The following EPHA5 variants were observed in gnomAD, a reference collection of about 807,000 sequenced individuals.
EPHA5 encodes the protein EPH receptor A5.
EPHA5 carries 60 observed loss-of-function variants against 105.0 expected under a neutral mutation model. The ratio of observed to expected loss-of-function variants is 0.57; its 90% CI spans 0.46 to 0.71. The LOEUF (loss-of-function observed/expected upper bound fraction) is 0.71. EPHA5 is among the 30% of genes least tolerant of loss of function. EPHA5 has a pLI of 0.00. For synonymous variants in EPHA5, 513 were observed against 449.1 expected, an observed-to-expected ratio of 1.14 and a Z score of -1.80; for missense variants, 1,218 against 1,274.7, an observed-to-expected ratio of 0.96 and a Z score of 0.68.
intron 5 of EPHA5, among the ~76,000 whole-genome samples, chr4:65,469,138 A>G (rs1014863602): frequency 2.6e-5 from 4 of 152,244 alleles, no homozygotes; most frequent in East Asian, 1.9e-4. Flanking sequence ...CCATTTTGCT[A>G]TTATGGTAGA....
chr4:65,520,740 A>G (rs955757181), intron 3 of EPHA5, among the ~76,000 whole-genome samples: 2 of 152,204 alleles, frequency 1.3e-5, no homozygotes, highest in African/African-American at 4.8e-5. Flanking sequence ...TTCTCAAAAG[A>G]AGACATTTAT....
intron 3 of EPHA5, among the ~76,000 whole-genome samples, chr4:65,499,869 G>A (rs1732307198): frequency 6.7e-6 from 1 of 150,242 alleles, no homozygotes; most frequent in Non-Finnish European, 1.5e-5. Context: ...CACGATAAGA[G>A]ATTTGAATTT....
chr4:65,635,846 G>A (rs1475504603), intron 2 of EPHA5, among the ~76,000 whole-genome samples: 1 of 152,100 alleles, frequency 6.6e-6, no homozygotes, highest in African/African-American at 2.4e-5. Context: ...ACATTTTTAG[G>A]TTGTGTACAT....
At chr4:65,377,191 CAATT>C in intron 8 of EPHA5, 1 of 754,796 alleles carries the variant, frequency 1.3e-6, no homozygotes, top group East Asian at 3.1e-5. Flanking sequence ...TAAATGCATA[CAATT>C]AATTTTTTTC....
At chr4:65,331,688 A>G in intron 16 of EPHA5, 4 of 1,143,772 alleles carry the variant, frequency 3.5e-6, no homozygotes, top group East Asian at 4.2e-5. Flanking sequence ...TCAAGAAAAC[A>G]TCTTTTCCAC....
At position 65,365,080 on chromosome 4, in the gene EPHA5, C is replaced by T. The variant is rs2148888209; in HGVS notation, c.2110G>A (p.Ala704Thr). ...TGATCAAACTGTCCCATGATACTTG[C>T]TTCACCTAGGAAATCTCTGCGTTGC... ...EKQRRDFLGE[A>T]SIMGQFDHPN... The change falls in exon 11 of 17, where the codon GCA (alanine) becomes ACA (threonine). Residue 704 changes from alanine (A) to threonine (T), a missense_variant. Physicochemically the swap from Ala to Thr is moderately conservative, Grantham distance 58 (BLOSUM62 0). Transcript: ENST00000613740. The T allele has an allele frequency of 6.2e-7, 1 of 1,611,794 alleles. No homozygotes were observed. Among genetic ancestry groups the T allele is most frequent in the South Asian group, 1.1e-5 (1 of 91,030 alleles).
At chr4:65,397,320 G>C (rs1305548677) in intron 8 of EPHA5, among the ~76,000 whole-genome samples, 2 of 152,140 alleles carry the variant, frequency 1.3e-5, no homozygotes, top group South Asian at 2.1e-4. Context: ...ATTGTGGAGT[G>C]GGGAGGGCAT....
intron 3 of EPHA5, among the ~76,000 whole-genome samples, chr4:65,544,181 T>C (rs980387668): frequency 1.3e-5 from 2 of 151,726 alleles, no homozygotes; most frequent in Non-Finnish European, 2.9e-5. Context: ...AACTTCATGA[T>C]GAAAATGCTG....
intron 3 of EPHA5, among the ~76,000 whole-genome samples, chr4:65,576,113 G>GAAAAGAAAAGAAAAGAAAAGAAAAGA (rs368323108): frequency 5.5e-5 from 2 of 36,658 alleles, no homozygotes; most frequent in East Asian, 9.7e-4. Flanking sequence ...GAAAAGAAAA[G>GAAAAGAAAAGAAAAGAAAAGAAAAGA]AAAAAAGAAA....
At chr4:65,545,164 G>T (rs1737252648) in intron 3 of EPHA5, among the ~76,000 whole-genome samples, 1 of 151,858 alleles carries the variant, frequency 6.6e-6, no homozygotes, top group Non-Finnish European at 1.5e-5. Context: ...AACTTATACT[G>T]CTAACTGAAA....
intron 2 of EPHA5, among the ~76,000 whole-genome samples, chr4:65,626,374 G>A (rs1405384027): frequency 6.6e-6 from 1 of 152,070 alleles, no homozygotes; most frequent in Non-Finnish European, 1.5e-5. Context: ...GTTTTTCAGA[G>A]TCTATAAAAA....
At chr4:65,595,330 T>C (rs553412130) in intron 3 of EPHA5, among the ~76,000 whole-genome samples, 8 of 152,162 alleles carry the variant, frequency 5.3e-5, no homozygotes, top group African/African-American at 1.9e-4. Context: ...CCTACTACAA[T>C]AACAACTTAT....
chr4:65,377,096 A>G, intron 8 of EPHA5: 1 of 1,594,162 alleles, frequency 6.3e-7, no homozygotes. Flanking sequence ...CAAGATAAGG[A>G]AGAGATCCCA....
intron 2 of EPHA5, among the ~76,000 whole-genome samples, chr4:65,622,381 C>T (rs1745779271): frequency 6.6e-6 from 1 of 151,834 alleles, no homozygotes; most frequent in African/African-American, 2.4e-5. Context: ...TAGGTGAGTT[C>T]ACCAAAGTAT....
intron 2 of EPHA5, among the ~76,000 whole-genome samples, chr4:65,606,379 A>G (rs1744230600): frequency 6.6e-6 from 1 of 152,196 alleles, no homozygotes; most frequent in African/African-American, 2.4e-5. Context: ...GGAATAATTC[A>G]AACATATTGA....
At chr4:65,400,184 A>C (rs1158379101) in intron 8 of EPHA5, among the ~76,000 whole-genome samples, 3 of 152,218 alleles carry the variant, frequency 2.0e-5, no homozygotes, top group Non-Finnish European at 4.4e-5. Flanking sequence ...AGTAAATATA[A>C]GAGATAAACT....
At position 65,324,198 on chromosome 4, in the gene EPHA5, C is replaced by A. The variant is rs752809640; in HGVS notation, c.2967G>T (p.Val989=). ...VTLEDLRRLG[V]TLVGHQKKIM... ...TCTTCTTCTGGTGACCGACAAGAGT[C>A]ACTCCAAGCCGTCTCAAATCCCTGC... is the stretch of plus-strand genomic sequence containing the variant. The change falls in exon 17 of 17, where the codon GTG becomes GTT. Residue 989 remains valine (V), a synonymous_variant. Transcript: ENST00000613740. 1.2e-6 allele frequency: 2 copies of A among 1,609,098 alleles called. No homozygotes were observed. The highest frequency in any genetic ancestry group is 1.7e-6 in the Non-Finnish European group (2 of 1,176,752).
At chr4:65,367,991 G>C (rs562684240) in intron 8 of EPHA5, among the ~76,000 whole-genome samples, 1 of 151,590 alleles carries the variant, frequency 6.6e-6, no homozygotes, top group Non-Finnish European at 1.5e-5. Context: ...GTCTCTCTTC[G>C]TTTTCTCAAT....
At chr4:65,660,281 C>G (rs1477984401) in intron 1 of EPHA5, among the ~76,000 whole-genome samples, 1 of 152,090 alleles carries the variant, frequency 6.6e-6, no homozygotes, top group African/African-American at 2.4e-5. Flanking sequence ...ATTTCCTAAT[C>G]AAATTCCAAT....
Sources: gnomAD v4.1 joint callset for allele counts (sites outside exome capture counted in the v4.1 genomes callset) on GRCh38, gnomAD v4.1.1 for gene constraint, MANE v1.5 for transcripts, NCBI Gene and HGNC (gene_info 2026-07-23, HGNC 2026-07-21) for gene names.